CYB5R4: variants seen among roughly 807,000 people sequenced by gnomAD.
CYB5R4 encodes the protein N-terminal cytochrome b5 and cytochrome b5 oxidoreductase domain-containing protein.
Under a neutral mutation model 70.2 loss-of-function variants are expected in CYB5R4, and 55 were observed. The ratio of observed to expected loss-of-function variants is 0.78; its 90% CI spans 0.63 to 0.98. The LOEUF (loss-of-function observed/expected upper bound fraction) is 0.98, where lower values mean the gene tolerates loss of function less well. Among genes scored for constraint, CYB5R4 ranks in the 50% least tolerant of loss-of-function variants. CYB5R4 has a pLI of 0.00. For synonymous variants in CYB5R4, 197 were observed against 199.5 expected (o/e 0.99, Z 0.11); for missense variants, 562 against 612.6 (o/e 0.92, Z 0.87).
At chr6:83,937,292 AATAAAAAT>A (rs1360491379) in intron 12 of CYB5R4, among the ~76,000 whole-genome samples, 2 of 152,072 alleles carry the variant, frequency 1.3e-5, no homozygotes, top group Non-Finnish European at 2.9e-5. Context: ...AATAATAAAA[AATAAAAAT>A]AAATAAAAAG....
rs573172146 is a variant in CYB5R4 at position 83,955,546 on chromosome 6, T to G, written c.1511+84T>G. ...ACAAGCATCTCTCAGTTCTTCCTGT[T>G]TATATGAAACTGCACTTTAATAATC... is the stretch of plus-strand genomic sequence containing the variant. On this transcript the variant is annotated intron_variant, in intron 15 of 15. Coordinates refer to ENST00000369681, the MANE Select transcript of CYB5R4 (RefSeq NM_016230.4). 13 of 1,309,652 alleles carry G rather than the reference T, an allele frequency of 9.9e-6. No homozygotes were observed. In the African/African-American group the frequency reaches 1.5e-4, roughly 15 times the overall value. 81.1% of individuals were successfully genotyped at this position (1,309,652 alleles called of 1,614,324 possible).
intron 2 of CYB5R4, among the ~76,000 whole-genome samples, chr6:83,880,851 A>G (rs920221467): frequency 6.6e-6 from 1 of 152,184 alleles, no homozygotes; most frequent in African/African-American, 2.4e-5. Flanking sequence ...CATTGGCATC[A>G]ATATTGGGCC....
In CYB5R4 at chr6:83,924,585, A is replaced by G. The variant is rs750887259; in HGVS notation, c.807A>G (p.Lys269=). ...ATCATAATTCACTTATTCCAAGGAA[A>G]GATACAGGTATGCTGTGTTCTTTTG... is the stretch of plus-strand genomic sequence containing the variant. The part of the protein sequence containing the change: ...LKNHNSLIPR[K]DTGLYYRKCQ... The change falls in exon 10 of 16, where the codon AAA becomes AAG. Residue 269 remains lysine, a synonymous_variant. Coordinates refer to ENST00000369681, the MANE Select transcript of CYB5R4 (RefSeq NM_016230.4). 43 of 1,613,180 alleles carry G rather than the reference A, an allele frequency of 2.7e-5. No individual in the cohort carries two copies. The highest frequency in any genetic ancestry group is 1.7e-6 in the Non-Finnish European group (2 of 1,179,570).
intron 2 of CYB5R4, among the ~76,000 whole-genome samples, chr6:83,864,715 A>G (rs1441058197): frequency 1.3e-5 from 2 of 152,230 alleles, no homozygotes; most frequent in Non-Finnish European, 1.5e-5. Flanking sequence ...CTGAGAATCT[A>G]AAGTAAACCT....
At chr6:83,916,759 T>A (rs963282471) in intron 5 of CYB5R4, among the ~76,000 whole-genome samples, 2 of 152,176 alleles carry the variant, frequency 1.3e-5, no homozygotes, top group Non-Finnish European at 2.9e-5. Context: ...TACTTGCACT[T>A]GAGCTTGTCT....
chr6:83,863,890 A>T (rs2099456354), intron 1 of CYB5R4, among the ~76,000 whole-genome samples: 1 of 152,164 alleles, frequency 6.6e-6, no homozygotes, highest in Non-Finnish European at 1.5e-5. Context: ...TTTATATGAG[A>T]CACTTGAGCA....
At chr6:83,888,416 A>G (rs1051133724) in intron 2 of CYB5R4, among the ~76,000 whole-genome samples, 1 of 152,144 alleles carries the variant, frequency 6.6e-6, no homozygotes, top group Admixed American at 6.5e-5. Flanking sequence ...TCCCAAGAGC[A>G]TGTGCTCACT....
At chr6:83,876,611 T>A (rs781659625) in intron 2 of CYB5R4, among the ~76,000 whole-genome samples, 1 of 152,004 alleles carries the variant, frequency 6.6e-6, no homozygotes, top group South Asian at 2.1e-4. Context: ...TTTAATAATA[T>A]ACTTCCATTT....
intron 1 of CYB5R4, among the ~76,000 whole-genome samples, chr6:83,862,504 A>T (rs1481126917): frequency 6.6e-6 from 1 of 152,214 alleles, no homozygotes; most frequent in Non-Finnish European, 1.5e-5. Context: ...CCATGCAGGG[A>T]AAGCAACACT....
chr6:83,896,389 A>T (rs1345757400), intron 3 of CYB5R4, among the ~76,000 whole-genome samples: 1 of 152,184 alleles, frequency 6.6e-6, no homozygotes, highest in Admixed American at 6.5e-5. Flanking sequence ...GTCCTAAAAG[A>T]ATATATCAGG....
intron 8 of CYB5R4, among the ~76,000 whole-genome samples, chr6:83,921,881 G>A (rs1421242410): frequency 1.3e-5 from 2 of 152,154 alleles, no homozygotes; most frequent in African/African-American, 4.8e-5. Context: ...CCCACTTCTG[G>A]AATATAAGTT....
chr6:83,936,963 C>G (rs2099469009), intron 12 of CYB5R4, among the ~76,000 whole-genome samples: 1 of 152,182 alleles, frequency 6.6e-6, no homozygotes, highest in South Asian at 2.1e-4. Context: ...CTTTACCTGT[C>G]AAGTACTTTT....
In CYB5R4 at chr6:83,965,265, G is replaced by A. The variant is rs978045221; in HGVS notation, c.*5387G>A. The A allele has an allele frequency of 5.3e-5, 8 of 152,356 alleles. No individual in the cohort carries two copies. Among genetic ancestry groups the A allele is most frequent in the African/African-American group, 1.7e-4 (7 of 41,452 alleles). 9.4% of individuals were successfully genotyped at this position (152,356 alleles called of 1,614,324 possible). ...AGATACTCAACACCAGCCCATGAAAGCAGCCAGGATGGAGGCTGTACCCTG... is the reference window on the plus strand; with the variant it reads ...AGATACTCAACACCAGCCCATGAAAACAGCCAGGATGGAGGCTGTACCCTG... On this transcript the variant is annotated 3_prime_UTR_variant, in exon 16 of 16. Transcript: ENST00000369681.
chr6:83,874,907 C>T (rs375813945), intron 2 of CYB5R4, among the ~76,000 whole-genome samples: 217 of 152,132 alleles, frequency 1.4e-3, no homozygotes, highest in African/African-American at 4.9e-3. Context: ...ACTGCAACCT[C>T]CGCCTCCCAG....
At chr6:83,942,311 A>C (rs902774766) in intron 14 of CYB5R4, among the ~76,000 whole-genome samples, 1 of 152,212 alleles carries the variant, frequency 6.6e-6, no homozygotes, top group Non-Finnish European at 1.5e-5. Context: ...CAGTGGGTGC[A>C]GTCCATGGAG....
chr6:83,912,135 C>CA (rs1483140822), intron 4 of CYB5R4, among the ~76,000 whole-genome samples: 4 of 151,062 alleles, frequency 2.6e-5, no homozygotes, highest in Non-Finnish European at 5.9e-5. Flanking sequence ...GTATTGCACT[C>CA]ATGTGATTCA....
rs61762806 is a variant in CYB5R4, at chr6:83,891,820, C to G, written c.230-1702C>G. Among the ~76,000 whole-genome samples the G allele has an allele frequency of 2.0e-3, 302 of 152,218 alleles. 2 individuals are homozygous for G. The highest frequency in any genetic ancestry group is 6.6e-3 in the African/African-American group (276 of 41,526). On this transcript the variant is annotated intron_variant, in intron 2 of 15. Coordinates refer to ENST00000369681, the MANE Select transcript of CYB5R4 (RefSeq NM_016230.4). ...GAGAACATGTATGGAATGTTTTAGG[C>G]TTTATGTGCTCATCATGGATAGCTA...
Position 83,961,777 on chromosome 6 carries a change from T to C in CYB5R4, c.*1899T>C, listed in dbSNP as rs1268825454. 1 of 152,086 alleles carries C rather than the reference T, an allele frequency of 6.6e-6. No individual in the cohort carries two copies. The highest frequency in any genetic ancestry group is 1.5e-5 in the Non-Finnish European group (1 of 68,006). 9.4% of individuals were successfully genotyped at this position (152,086 alleles called of 1,614,324 possible). ...TAGCCAACATCTTTCTCATCTTTTC[T>C]AAGCCTCTTCTTTTTTCTCTCTCCT... On this transcript the variant is annotated 3_prime_UTR_variant, in exon 16 of 16. Coordinates refer to ENST00000369681, the MANE Select transcript of CYB5R4 (RefSeq NM_016230.4).
At chr6:83,909,971 T>C (rs918047189) in intron 4 of CYB5R4, 20 of 1,497,666 alleles carry the variant, frequency 1.3e-5, no homozygotes, top group African/African-American at 1.1e-4. Context: ...AACCATCTTA[T>C]ATGCATTAGT....
Sources: gnomAD v4.1 joint callset for allele counts (sites outside exome capture counted in the v4.1 genomes callset) on GRCh38, gnomAD v4.1.1 for gene constraint, MANE v1.5 for transcripts, NCBI Gene and HGNC (gene_info 2026-07-23, HGNC 2026-07-21) for gene names.